The following ATXN7 variants were observed in gnomAD, a reference collection of about 807,000 sequenced individuals.
The protein encoded by ATXN7 is ataxin-7.
ATXN7 carries 12 observed loss-of-function variants against 70.5 expected under a neutral mutation model. That is an observed-to-expected ratio of 0.17 (90% CI 0.11 to 0.28). The LOEUF (loss-of-function observed/expected upper bound fraction) is 0.28. Ranked by LOEUF, ATXN7 falls within the 10% of genes least tolerant of loss-of-function variation. The probability of loss-of-function intolerance (pLI) is 1.00; values close to 1 mark genes in which losing one functional copy is unlikely to be tolerated. For missense variants in ATXN7, 1,256 were observed against 1,131.7 expected (o/e 1.11, Z -1.58); for synonymous variants, 498 against 448.7 (o/e 1.11, Z -1.39).
intron 2 of ATXN7, among the ~76,000 whole-genome samples, chr3:63,907,021 A>G (rs533105878): frequency 2.6e-5 from 4 of 152,386 alleles, no homozygotes; most frequent in South Asian, 2.1e-4. Flanking sequence ...TTGGTCTGAT[A>G]GTATAGCGTA....
At chr3:63,917,434 C>T (rs897616898) in intron 4 of ATXN7, among the ~76,000 whole-genome samples, 20 of 152,042 alleles carry the variant, frequency 1.3e-4, no homozygotes, top group Non-Finnish European at 2.9e-4. Context: ...ATATTAGTGC[C>T]TGAATATTTA....
At chr3:63,889,274 T>A (rs1055623853) in intron 1 of ATXN7, among the ~76,000 whole-genome samples, 1 of 152,210 alleles carries the variant, frequency 6.6e-6, no homozygotes, top group Non-Finnish European at 1.5e-5. Context: ...GAATAAGAAG[T>A]CCCAATGTTT....
intron 4 of ATXN7, among the ~76,000 whole-genome samples, chr3:63,930,696 T>A (rs1376134722): frequency 6.6e-6 from 1 of 151,816 alleles, no homozygotes; most frequent in Non-Finnish European, 1.5e-5. Flanking sequence ...GCCCGGCTAA[T>A]TTTTTTTGTA....
chr3:63,963,155 A>C (rs886627817), intron 5 of ATXN7, among the ~76,000 whole-genome samples: 1 of 151,994 alleles, frequency 6.6e-6, no homozygotes, highest in African/African-American at 2.4e-5. Context: ...GGCTGAAGCA[A>C]TCCACCTGCC....
intron 9 of ATXN7, among the ~76,000 whole-genome samples, 184 bp from the exon 10 acceptor site, chr3:63,989,992 C>T (rs2075642767): frequency 6.6e-6 from 1 of 152,200 alleles, no homozygotes; most frequent in Admixed American, 6.5e-5. Flanking sequence ...ACTTAACATC[C>T]TGCAGTTCAG....
At chr3:63,954,962 C>A (rs1393537063) in intron 5 of ATXN7, among the ~76,000 whole-genome samples, 1 of 152,194 alleles carries the variant, frequency 6.6e-6, no homozygotes, top group African/African-American at 2.4e-5. Flanking sequence ...GCCTGCCTCC[C>A]CTTCCCAAAG....
chr3:63,999,835 C>A lies in ATXN7; in HGVS notation c.*368C>A. 2.5e-6 allele frequency: 1 copy of A among 405,972 alleles called. No individual in the cohort carries two copies. 25.1% of individuals were successfully genotyped at this position (405,972 alleles called of 1,614,324 possible). A position where few individuals can be genotyped will look rare whatever the true frequency, so the allele number is the denominator to read the frequency against. On this transcript the variant is annotated 3_prime_UTR_variant, in exon 13 of 13. Transcript: ENST00000674280. ...TTGGCTGGGCAAAAGAATGTTTTGG[C>A]AAGAGCGTTACTGTAGACCTTTCTC...
At chr3:63,863,391 C>A (rs1400245321), upstream of ATXN7, 1 of 1,019,210 alleles carries the variant, frequency 9.8e-7, no homozygotes. Context: ...GGGTCCTCAC[C>A]GCGCCCCTAG....
rs1702315358 is a variant in ATXN7 at position 63,863,933 on chromosome 3, C to T, written c.-336C>T. The T allele has an allele frequency of 7.7e-6, 4 of 518,020 alleles. No individual in the cohort carries two copies. Among genetic ancestry groups the T allele is most frequent in the Non-Finnish European group, 9.7e-6 (4 of 412,910 alleles). 32.1% of individuals were successfully genotyped at this position (518,020 alleles called of 1,614,324 possible). A position where few individuals can be genotyped will look rare whatever the true frequency, so the allele number is the denominator to read the frequency against. On this transcript the variant is annotated 5_prime_UTR_variant, in exon 1 of 13. Transcript: ENST00000674280. ...GCGCCCGCGGCCGCCTGCTCCGACG[C>T]CTGAGCCGCGCCGCGCCGCGCCGCC...
chr3:63,890,345 A>T (rs1703219655), intron 1 of ATXN7, among the ~76,000 whole-genome samples: 1 of 152,208 alleles, frequency 6.6e-6, no homozygotes, highest in Non-Finnish European at 1.5e-5. Flanking sequence ...GAATTTAGAC[A>T]TGTAAGACCC....
Position 63,952,402 on chromosome 3 carries a change from C to T in ATXN7, c.418C>T (p.Pro140Ser). The T allele has an allele frequency of 2.5e-6, 4 of 1,611,064 alleles. No individual in the cohort carries two copies. The highest frequency in any genetic ancestry group is 3.4e-6 in the Non-Finnish European group (4 of 1,179,086). The change falls in exon 5 of 13, where the codon CCA becomes TCA. Residue 140 changes from proline to serine, a missense_variant. Physicochemically the swap from Pro to Ser is moderately conservative, Grantham distance 74 (BLOSUM62 -1). Coordinates refer to ENST00000674280, the MANE Select transcript of ATXN7 (RefSeq NM_001377405.1). ...REDMPIFGFC[P>S]AHDDFYLVVC... ...AGACATGCCAATATTTGGTTTCTGT[C>T]CAGCCCATGATGATTTCTACTTGGT...
In ATXN7 at chr3:63,995,534, C is replaced by T. The variant is rs1224428834; in HGVS notation, c.1712C>T (p.Ser571Leu). 6.2e-7 allele frequency: 1 copy of T among 1,614,160 alleles called. No individual in the cohort carries two copies. The highest frequency in any genetic ancestry group is 8.5e-7 in the Non-Finnish European group (1 of 1,180,032). Residue 571 changes from serine (S) to leucine (L), a missense_variant, in exon 12 of 13, where the codon TCA becomes TTA. By Grantham distance (145) the Ser-to-Leu change is moderately radical (BLOSUM62 -2). Coordinates refer to ENST00000674280, the MANE Select transcript of ATXN7 (RefSeq NM_001377405.1). ...KKIPPVPSTT[S>L]PISTRIPHRT... The stretch of plus-strand genomic sequence containing the variant: ...ATCCCACCAGTGCCCAGTACCACCT[C>T]ACCCATCTCCACACGTATTCCTCAC...
chr3:63,970,171 A>G (rs17069573), intron 5 of ATXN7, among the ~76,000 whole-genome samples: 4,249 of 152,320 alleles, frequency 0.028, 194 homozygotes, highest in African/African-American at 0.094. Flanking sequence ...AAGATCACAG[A>G]GGTGGCATAA....
chr3:63,868,825 C>T (rs1163253748), intron 1 of ATXN7, among the ~76,000 whole-genome samples: 2 of 152,132 alleles, frequency 1.3e-5, no homozygotes, highest in Non-Finnish European at 1.5e-5. Flanking sequence ...CTTCAGCACT[C>T]CTTTCGTTTT....
chr3:63,870,454 C>T (rs941867648), intron 1 of ATXN7, among the ~76,000 whole-genome samples: 3 of 152,158 alleles, frequency 2.0e-5, no homozygotes, highest in African/African-American at 7.2e-5. Context: ...GCATACTCTG[C>T]TTTTGGTATG....
intron 5 of ATXN7, among the ~76,000 whole-genome samples, chr3:63,977,583 C>G (rs1053660495): frequency 1.3e-5 from 2 of 152,158 alleles, no homozygotes; most frequent in Non-Finnish European, 2.9e-5. Context: ...ATTGAACTTA[C>G]TGTTTCACAG....
At position 63,912,716 on chromosome 3, in the gene ATXN7, C is replaced by CAG; in HGVS notation, c.118_119insAG (p.Pro40GlnfsTer51). The CAG allele has an allele frequency of 2.5e-6, 3 of 1,222,164 alleles. No individual in the cohort carries two copies. Among genetic ancestry groups the CAG allele is most frequent in the Non-Finnish European group, 2.1e-6 (2 of 970,644 alleles). 75.7% of individuals were successfully genotyped at this position (1,222,164 alleles called of 1,614,324 possible). A position where few individuals can be genotyped will look rare whatever the true frequency, so the allele number is the denominator to read the frequency against. On this transcript the variant is annotated frameshift_variant, in exon 3 of 13. Coordinates refer to ENST00000674280, the MANE Select transcript of ATXN7 (RefSeq NM_001377405.1). LOFTEE classifies it high-confidence loss of function. ...GCAGCAGCAGCAGCAGCAGCAGCAG[C>CAG]CGCCGCCTCCGCAGCCCCAGCGGCA...
chr3:63,968,655 A>C (rs1294485333), intron 5 of ATXN7, among the ~76,000 whole-genome samples: 3 of 152,212 alleles, frequency 2.0e-5, no homozygotes, highest in Non-Finnish European at 4.4e-5. Flanking sequence ...ATAAAAATTT[A>C]ATTATGGACT....
chr3:63,952,158 T>C (rs1043732176), intron 4 of ATXN7, among the ~76,000 whole-genome samples: 1 of 152,234 alleles, frequency 6.6e-6, no homozygotes, highest in Non-Finnish European at 1.5e-5. Context: ...AAAAGATTGT[T>C]TCACCACATC....
Sources: allele counts gnomAD v4.1 joint callset (sites outside exome capture counted in the v4.1 genomes callset), GRCh38; gene constraint gnomAD v4.1.1; transcripts MANE v1.5; gene names NCBI Gene and HGNC (gene_info 2026-07-23, HGNC 2026-07-21).